MTHFD1L: variants seen among roughly 807,000 people sequenced by gnomAD.
MTHFD1L encodes the protein methylenetetrahydrofolate dehydrogenase (NADP+ dependent) 1 like.
MTHFD1L carries 81 observed loss-of-function variants against 119.5 expected under a neutral mutation model. That is an observed-to-expected ratio of 0.68 (90% CI 0.57 to 0.82). MTHFD1L has a LOEUF of 0.82. Ranked by LOEUF, MTHFD1L falls within the 40% of genes least tolerant of loss-of-function variation. The pLI, the probability that MTHFD1L is intolerant of heterozygous loss-of-function variation, is 0.00. For synonymous variants in MTHFD1L, 430 were observed against 475.2 expected, an observed-to-expected ratio of 0.90 and a Z score of 1.24; for missense variants, 1,125 against 1,253.4, an observed-to-expected ratio of 0.90 and a Z score of 1.55.
At chr6:151,100,034 CTTTTTTT>C (rs377326942) in intron 27 of MTHFD1L, 1 of 473,392 alleles carries the variant, frequency 2.1e-6, no homozygotes, top group Non-Finnish European at 3.7e-6. Context: ...TCTTTCTTTT[CTTTTTTT>C]TTTTTTTTTT....
At position 150,878,489 on chromosome 6, in the gene MTHFD1L, T is replaced by C. The variant is rs139148015; in HGVS notation, c.417+663T>C. On this transcript the variant is annotated intron_variant, in intron 4 of 27. Coordinates refer to ENST00000367321, the MANE Select transcript of MTHFD1L (RefSeq NM_015440.5). Reference sequence around the variant, plus strand: ...CTGGTCTTGAACTCCTGACCTCAAGTGATCCACCCTCCTTGGCCTCCCAAA... The same window carrying C: ...CTGGTCTTGAACTCCTGACCTCAAGCGATCCACCCTCCTTGGCCTCCCAAA... Among the ~76,000 whole-genome samples, 983 of 152,300 alleles carry C rather than the reference T, an allele frequency of 6.5e-3. 10 individuals are homozygous for C. The highest frequency in any genetic ancestry group is 0.023 in the African/African-American group (937 of 41,558).
chr6:150,989,677 A>C (rs553924281), intron 20 of MTHFD1L, among the ~76,000 whole-genome samples: 6 of 152,240 alleles, frequency 3.9e-5, no homozygotes, highest in Non-Finnish European at 8.8e-5. Context: ...TAGAATACTT[A>C]GGAAATAAGT....
At chr6:150,977,803 G>A (rs963547280) in intron 20 of MTHFD1L, among the ~76,000 whole-genome samples, 1 of 152,022 alleles carries the variant, frequency 6.6e-6, no homozygotes, top group Non-Finnish European at 1.5e-5. Flanking sequence ...TTAACTGAGG[G>A]TCACCAGCCA....
chr6:151,015,594 T>A lies in MTHFD1L; in HGVS notation c.2487T>A (p.Tyr829Ter), dbSNP rs1198819089. 3.1e-6 allele frequency: 5 copies of A among 1,614,082 alleles called. No homozygotes were observed. The highest frequency in any genetic ancestry group is 1.3e-5 in the African/African-American group (1 of 74,922). The change falls in exon 24 of 28, where the codon TAT becomes TAA. Residue 829 changes from tyrosine (Y) to a stop codon, truncating the protein, a stop_gained. Coordinates refer to ENST00000367321, the MANE Select transcript of MTHFD1L (RefSeq NM_015440.5). LOFTEE classifies it high-confidence loss of function. ...RAGAFDAVPC[Y>*]HWSVGGKGSV... ...GTGCCTTTGATGCAGTCCCCTGCTA[T>A]CACTGGTCCGTTGGTGGAAAAGGAT... is the stretch of plus-strand genomic sequence containing the variant.
intron 20 of MTHFD1L, among the ~76,000 whole-genome samples, chr6:151,004,716 G>A (rs1002328019): frequency 5.3e-5 from 8 of 152,246 alleles, no homozygotes; most frequent in African/African-American, 4.8e-5. Context: ...AGCTGATTAC[G>A]GGTTTAAGTT....
intron 20 of MTHFD1L, among the ~76,000 whole-genome samples, chr6:150,975,713 G>T (rs1321882): frequency 1.3e-5 from 2 of 151,702 alleles, no homozygotes; most frequent in Non-Finnish European, 2.9e-5. Context: ...TCTTGCACTT[G>T]GGCTCGCCCT....
chr6:151,096,317 G>C (rs949999242), intron 27 of MTHFD1L, among the ~76,000 whole-genome samples: 3 of 152,198 alleles, frequency 2.0e-5, no homozygotes, highest in Admixed American at 2.0e-4. Flanking sequence ...CCAATCCAAG[G>C]CCTCTTTCTT....
chr6:150,910,701 A>G (rs1562362078), intron 8 of MTHFD1L, among the ~76,000 whole-genome samples: 1 of 152,126 alleles, frequency 6.6e-6, no homozygotes, highest in Non-Finnish European at 1.5e-5. Flanking sequence ...AATGACTGAG[A>G]TGATACCTCG....
intron 11 of MTHFD1L, among the ~76,000 whole-genome samples, chr6:150,936,049 G>C (rs1051433634): frequency 2.0e-5 from 3 of 152,154 alleles, no homozygotes; most frequent in African/African-American, 7.2e-5. Context: ...AGATTCTCAA[G>C]AGCAGAAGTT....
intron 26 of MTHFD1L, among the ~76,000 whole-genome samples, chr6:151,045,866 A>G (rs1423389766): frequency 1.3e-5 from 2 of 152,148 alleles, no homozygotes; most frequent in East Asian, 3.9e-4. Context: ...GCCTTCCTCC[A>G]CAACCCAGGG....
Position 150,865,785 on chromosome 6 carries a change from G to A in MTHFD1L, c.-38G>A. 4.7e-6 allele frequency: 6 copies of A among 1,279,598 alleles called. No individual in the cohort carries two copies. Among genetic ancestry groups the A allele is most frequent in the Admixed American group, 3.4e-5 (1 of 29,092 alleles). 79.3% of individuals were successfully genotyped at this position (1,279,598 alleles called of 1,614,324 possible). On this transcript the variant is annotated 5_prime_UTR_variant, in exon 1 of 28. Coordinates refer to ENST00000367321, the MANE Select transcript of MTHFD1L (RefSeq NM_015440.5). The stretch of plus-strand genomic sequence containing the variant: ...ACGCGCCCCGCCGCCCTCGGCAGCC[G>A]CAGCTCCGTGTCCCCTGAGAACCAG...
chr6:150,906,680 G>A (rs1333257333), intron 8 of MTHFD1L, among the ~76,000 whole-genome samples: 3 of 152,202 alleles, frequency 2.0e-5, no homozygotes, highest in Non-Finnish European at 2.9e-5. Flanking sequence ...GGCAGAACAT[G>A]CACCAAGGTT....
At chr6:151,092,652 ATT>A in intron 27 of MTHFD1L, 65 bp downstream of exon 27, 4 of 869,896 alleles carry the variant, frequency 4.6e-6, no homozygotes, top group Non-Finnish European at 5.1e-6. Context: ...TTTTTTTGTC[ATT>A]TTTTTTTTCT....
At chr6:151,054,950 TA>T in intron 26 of MTHFD1L, 1 of 152,228 alleles carries the variant, frequency 6.6e-6, no homozygotes, top group East Asian at 1.9e-4. Context: ...AATGTTTAAA[TA>T]AATTACAAAG....
At position 150,880,162 on chromosome 6, in the gene MTHFD1L, T is replaced by C. The variant is rs1164810377; in HGVS notation, c.417+2336T>C. 2.0e-5 allele frequency among the ~76,000 whole-genome samples: 3 copies of C among 152,328 alleles called. No homozygotes were observed. The East Asian group carries it at 5.8e-4, about 29-fold the overall frequency. On this transcript the variant is annotated intron_variant, in intron 4 of 27. Transcript: ENST00000367321. Reference sequence around the variant, plus strand: ...AATATACAATACATTGTCATTAGCTTTAGTCACTCTACTATGTAAGAGAAC... The same window carrying C: ...AATATACAATACATTGTCATTAGCTCTAGTCACTCTACTATGTAAGAGAAC...
intron 7 of MTHFD1L, among the ~76,000 whole-genome samples, chr6:150,905,054 T>C (rs1394182105): frequency 6.7e-6 from 1 of 150,004 alleles, no homozygotes; most frequent in Non-Finnish European, 1.5e-5. Flanking sequence ...TTTTTTTTTT[T>C]TTTGAGACAG....
intron 7 of MTHFD1L, among the ~76,000 whole-genome samples, chr6:150,895,206 G>A (rs1369422586): frequency 3.3e-5 from 5 of 152,188 alleles, no homozygotes; most frequent in Non-Finnish European, 5.9e-5. Context: ...TAGATTTGGA[G>A]GTAACCTCTT....
chr6:151,083,341 G>A (rs1004494207), intron 26 of MTHFD1L, among the ~76,000 whole-genome samples: 22 of 152,114 alleles, frequency 1.4e-4, no homozygotes, highest in African/African-American at 5.3e-4. Flanking sequence ...GAGATTACAG[G>A]CACCTGCCAC....
chr6:150,899,886 C>T (rs923742731), intron 7 of MTHFD1L, among the ~76,000 whole-genome samples: 2 of 151,536 alleles, frequency 1.3e-5, no homozygotes, highest in Admixed American at 6.6e-5. Context: ...ACAGGAGAAT[C>T]GTTGAACCCA....
Sources: allele counts gnomAD v4.1 joint callset (sites outside exome capture counted in the v4.1 genomes callset), GRCh38; gene constraint gnomAD v4.1.1; transcripts MANE v1.5; gene names NCBI Gene and HGNC (gene_info 2026-07-23, HGNC 2026-07-21).